CDH7: variants seen among roughly 807,000 people sequenced by gnomAD.
CDH7 encodes the protein cadherin 7, also known as cadherin-7.
CDH7 carries 25 observed loss-of-function variants against 71.8 expected under a neutral mutation model. The ratio of observed to expected loss-of-function variants is 0.35; its 90% CI spans 0.25 to 0.49. The LOEUF (loss-of-function observed/expected upper bound fraction) is 0.49, where lower values mean the gene tolerates loss of function less well. CDH7 is among the 20% of genes least tolerant of loss of function. The pLI, the probability that CDH7 is intolerant of heterozygous loss-of-function variation, is 0.99. For missense variants in CDH7, 862 were observed against 974.6 expected, an observed-to-expected ratio of 0.88 and a Z score of 1.54; for synonymous variants, 381 against 363.8, an observed-to-expected ratio of 1.05 and a Z score of -0.54.
In CDH7 at chr18:65,843,878, C is replaced by A; in HGVS notation, c.1048C>A (p.Pro350Thr). The A allele has an allele frequency of 1.3e-6, 2 of 1,583,506 alleles. No individual in the cohort carries two copies. Among genetic ancestry groups the A allele is most frequent in the Non-Finnish European group, 1.7e-6 (2 of 1,161,376 alleles). ...AGAAGCTGCAAATAAAGATGCCGAC[C>A]CTCGCTTTCTGAGCTTGGGTCCGTT... ...RIEAANKDADPRFLSLGPFSD... is the reference protein window; with the variant it reads ...RIEAANKDADTRFLSLGPFSD... Residue 350 changes from proline (P) to threonine (T), a missense_variant, in exon 7 of 12, where the codon CCT becomes ACT. By Grantham distance (38) the Pro-to-Thr change is conservative. Coordinates refer to ENST00000397968, the MANE Select transcript of CDH7 (RefSeq NM_004361.5).
chr18:65,770,458 T>A (rs1444674869), intron 2 of CDH7, among the ~76,000 whole-genome samples: 1 of 152,298 alleles, frequency 6.6e-6, no homozygotes, highest in South Asian at 2.1e-4. Context: ...CATTACAATC[T>A]GATGTATTAC....
intron 6 of CDH7, among the ~76,000 whole-genome samples, chr18:65,838,264 T>A (rs1912604996): frequency 6.6e-6 from 1 of 152,178 alleles, no homozygotes; most frequent in Admixed American, 6.5e-5. Flanking sequence ...TGAGGGTTAT[T>A]TTCCCATAGG....
chr18:65,814,538 A>G lies in CDH7; in HGVS notation c.559A>G (p.Asn187Asp), dbSNP rs1278750940. ...ATDADDPTYGNSARVVYSILQ... is the reference protein window; with the variant it reads ...ATDADDPTYGDSARVVYSILQ... The stretch of plus-strand genomic sequence containing the variant: ...GGATGCTGATGATCCTACATATGGC[A>G]ACAGTGCCAGAGTGGTCTACAGTAT... The change falls in exon 4 of 12, where the codon AAC (asparagine) becomes GAC (aspartate). Residue 187 changes from asparagine (N) to aspartate (D), a missense_variant. Transcript: ENST00000397968. 1 of 1,613,800 alleles carries G rather than the reference A, an allele frequency of 6.2e-7. No homozygotes were observed. Among genetic ancestry groups the G allele is most frequent in the Admixed American group, 1.7e-5 (1 of 60,014 alleles).
chr18:65,882,801 A>G lies in CDH7; in HGVS notation c.*1907A>G, dbSNP rs1276001180. ...CAAGTTTTTCAAACTAAAAAATAAC[A>G]AACAAACAAAAAAACACGCGTATTT... On this transcript the variant is annotated 3_prime_UTR_variant, in exon 12 of 12. Coordinates refer to ENST00000397968, the MANE Select transcript of CDH7 (RefSeq NM_004361.5). The G allele has an allele frequency of 2.6e-5, 4 of 152,104 alleles. No homozygotes were observed. The highest frequency in any genetic ancestry group is 4.4e-5 in the Non-Finnish European group (3 of 67,976). 9.4% of individuals were successfully genotyped at this position (152,104 alleles called of 1,614,324 possible).
rs575419221 is a variant in CDH7, at chr18:65,781,962, T to TTC, written c.210+18934_210+18935dup. 8.9e-3 allele frequency among the ~76,000 whole-genome samples: 411 copies of TTC among 45,964 alleles called. 37 individuals carry two copies. The highest frequency in any genetic ancestry group is 0.023 in the East Asian group (43 of 1,840). The allele number at this position is 45,964 out of a possible 152,430, so 30.2% of individuals were successfully genotyped here. A position where few individuals can be genotyped will look rare whatever the true frequency, so the allele number is the denominator to read the frequency against. ...TCTCTCTCTTTCTCTCTTTCTCTCT[T>TTC]TCTCTCTCTCTCTCTCTCTCTCTCT... On this transcript the variant is annotated intron_variant, in intron 2 of 11. Coordinates refer to ENST00000397968, the MANE Select transcript of CDH7 (RefSeq NM_004361.5).
chr18:65,859,862 G>T (rs1227612837), intron 10 of CDH7, 37 bp downstream of exon 10: 1 of 1,159,890 alleles, frequency 8.6e-7, no homozygotes, highest in Non-Finnish European at 1.3e-6. Context: ...GAGGCAGCAG[G>T]TACAGATACT....
intron 7 of CDH7, among the ~76,000 whole-genome samples, chr18:65,852,854 G>A (rs28588660): frequency 6.6e-6 from 1 of 152,066 alleles, no homozygotes; most frequent in African/African-American, 2.4e-5. Flanking sequence ...AGGAAAAAAG[G>A]TAAACTATAT....
chr18:65,785,540 G>A (rs931753306), intron 2 of CDH7, among the ~76,000 whole-genome samples: 1 of 151,726 alleles, frequency 6.6e-6, no homozygotes, highest in African/African-American at 2.4e-5. Context: ...TTCTAAGACA[G>A]CTCTGCCCAA....
intron 2 of CDH7, among the ~76,000 whole-genome samples, chr18:65,804,262 A>G (rs1045861981): frequency 2.0e-5 from 3 of 152,124 alleles, no homozygotes; most frequent in Non-Finnish European, 2.9e-5. Flanking sequence ...TATCATCTCA[A>G]GTAGTGGTCA....
At position 65,760,122 on chromosome 18, in the gene CDH7, A is replaced by G. The variant is rs1019581342; in HGVS notation, c.-196-2525A>G. On this transcript the variant is annotated intron_variant, in intron 1 of 11. Transcript: ENST00000397968. Reference sequence around the variant, plus strand: ...ACTAATTTTAACATAGCCAGTTTCAAACTAAAAAATATGATAATAATCCCA... The same window carrying G: ...ACTAATTTTAACATAGCCAGTTTCAGACTAAAAAATATGATAATAATCCCA... Among the ~76,000 whole-genome samples the G allele has an allele frequency of 3.9e-5, 6 of 152,202 alleles. 1 individual carries two copies. The highest frequency in any genetic ancestry group is 8.8e-5 in the Non-Finnish European group (6 of 68,028).
intron 2 of CDH7, among the ~76,000 whole-genome samples, chr18:65,776,088 T>C (rs1360067648): frequency 1.3e-5 from 2 of 152,138 alleles, no homozygotes; most frequent in African/African-American, 2.4e-5. Context: ...TTGGTAACTG[T>C]TTTTGAGTAA....
chr18:65,809,469 T>C (rs1051208869), intron 2 of CDH7, among the ~76,000 whole-genome samples: 24 of 152,178 alleles, frequency 1.6e-4, no homozygotes, highest in Non-Finnish European at 1.5e-5. Flanking sequence ...GGGACTGATA[T>C]AAAATACCTT....
At chr18:65,795,073 T>C (rs890437623) in intron 2 of CDH7, among the ~76,000 whole-genome samples, 1 of 152,062 alleles carries the variant, frequency 6.6e-6, no homozygotes, top group African/African-American at 2.4e-5. Context: ...AACAGAGAAA[T>C]AGTAGTGATG....
intron 11 of CDH7, among the ~76,000 whole-genome samples, chr18:65,874,705 GTATA>G (rs1438508932): frequency 6.6e-6 from 1 of 151,366 alleles, no homozygotes; most frequent in Non-Finnish European, 1.5e-5. Context: ...TATTTTATAT[GTATA>G]TACTTATATA....
intron 1 of CDH7, among the ~76,000 whole-genome samples, chr18:65,761,685 T>G (rs1330653254): frequency 6.6e-6 from 1 of 152,198 alleles, no homozygotes; most frequent in Admixed American, 6.5e-5. Context: ...TTCTCATTTC[T>G]TTGTGTTTTA....
intron 7 of CDH7, among the ~76,000 whole-genome samples, chr18:65,844,592 T>C (rs1357232105): frequency 6.6e-6 from 1 of 152,230 alleles, no homozygotes; most frequent in East Asian, 1.9e-4. Flanking sequence ...TTTTCAGTAG[T>C]CTTGTATCTA....
chr18:65,782,107 C>CTTTCTTTCTTTCTTTCTTTCT (rs1555682165), intron 2 of CDH7, among the ~76,000 whole-genome samples: 1 of 25,222 alleles, frequency 4.0e-5, no homozygotes, highest in African/African-American at 3.8e-4. Context: ...TCCTTCCTTC[C>CTTTCTTTCTTTCTTTCTTTCT]TTCTTTCTTT....
intron 2 of CDH7, among the ~76,000 whole-genome samples, chr18:65,789,273 T>C (rs1230947174): frequency 6.6e-6 from 1 of 152,124 alleles, no homozygotes; most frequent in Non-Finnish European, 1.5e-5. Context: ...AAGTGACTCC[T>C]AAATAAATGG....
At chr18:65,851,923 G>A (rs544661336) in intron 7 of CDH7, among the ~76,000 whole-genome samples, 1 of 152,218 alleles carries the variant, frequency 6.6e-6, no homozygotes, top group East Asian at 1.9e-4. Context: ...CACCATGCAG[G>A]TTTTCTTAAA....
Sources: allele counts gnomAD v4.1 joint callset (sites outside exome capture counted in the v4.1 genomes callset), GRCh38; gene constraint gnomAD v4.1.1; transcripts MANE v1.5; gene names NCBI Gene and HGNC (gene_info 2026-07-23, HGNC 2026-07-21).